The following ADGRL4 variants were observed in gnomAD, a reference collection of about 807,000 sequenced individuals.
ADGRL4 encodes adhesion G protein-coupled receptor L4.
In ADGRL4, 90 loss-of-function variants were observed where a neutral mutation model predicts 74.8. The observed-to-expected ratio is 1.20, with a 90% CI of 1.02 to 1.43. The LOEUF (loss-of-function observed/expected upper bound fraction) is 1.43. Ranked by LOEUF, ADGRL4 falls within the 40% of genes most tolerant of loss-of-function variation. The probability of loss-of-function intolerance (pLI) is 0.00; values close to 1 mark genes in which losing one functional copy is unlikely to be tolerated. For missense variants in ADGRL4, 881 were observed against 814.3 expected (o/e 1.08, Z -1.00); for synonymous variants, 311 against 279.2 (o/e 1.11, Z -1.14).
At chr1:78,963,620 G>C (rs551544874) in intron 2 of ADGRL4, among the ~76,000 whole-genome samples, 82 of 152,202 alleles carry the variant, frequency 5.4e-4, no homozygotes, top group African/African-American at 1.9e-3. Context: ...AGACAAATAT[G>C]CTTTTATCTT....
chr1:78,947,598 T>A (rs1230138381), intron 2 of ADGRL4, among the ~76,000 whole-genome samples: 1 of 152,072 alleles, frequency 6.6e-6, no homozygotes, highest in Non-Finnish European at 1.5e-5. Context: ...TTGGTCATAT[T>A]TTTTTATGGC....
chr1:78,999,496 C>G (rs1650790713), intron 2 of ADGRL4, among the ~76,000 whole-genome samples: 1 of 152,048 alleles, frequency 6.6e-6, no homozygotes, highest in Non-Finnish European at 1.5e-5. Flanking sequence ...TGGCGTGAAC[C>G]CAGGAGGCGG....
At chr1:78,937,676 G>C (rs1649383026) in intron 6 of ADGRL4, 131 bp downstream of exon 6, 1 of 770,690 alleles carries the variant, frequency 1.3e-6, no homozygotes, top group Non-Finnish European at 2.1e-6. Flanking sequence ...CCATTCATTT[G>C]TACACTGATA....
intron 12 of ADGRL4, among the ~76,000 whole-genome samples, chr1:78,895,163 C>G (rs972934993): frequency 2.0e-5 from 3 of 151,908 alleles, no homozygotes; most frequent in African/African-American, 7.2e-5. Context: ...TAAGAGAAAA[C>G]AGATTAAAAC....
rs553521414 is a variant in ADGRL4, at chr1:78,892,444, C to T, written c.1841+654G>A. ...CTCATTCATTTTTAGTCCAGTCATT[C>T]TTTATTGCAGCAGATGTTTTAGCAG... On this transcript the variant is annotated intron_variant, in intron 13 of 14. Transcript: ENST00000370742. Among the ~76,000 whole-genome samples, 18 of 152,174 alleles carry T rather than the reference C, an allele frequency of 1.2e-4. No individual in the cohort carries two copies. In the East Asian group the frequency reaches 2.7e-3, roughly 23 times the overall value.
chr1:78,924,953 G>A (rs764703591), intron 8 of ADGRL4, among the ~76,000 whole-genome samples: 3 of 152,050 alleles, frequency 2.0e-5, no homozygotes, highest in Non-Finnish European at 2.9e-5. Flanking sequence ...TAAGATAAAA[G>A]GAGTTATTAA....
At chr1:78,915,124 T>C (rs1366994188) in intron 12 of ADGRL4, among the ~76,000 whole-genome samples, 2 of 151,920 alleles carry the variant, frequency 1.3e-5, no homozygotes, top group Non-Finnish European at 2.9e-5. Flanking sequence ...TCTTTGCGTA[T>C]AGAATAGCTC....
chr1:78,892,864 T>C (rs1293814904), intron 13 of ADGRL4, among the ~76,000 whole-genome samples: 1 of 152,030 alleles, frequency 6.6e-6, no homozygotes, highest in Non-Finnish European at 1.5e-5. Context: ...ACAGTCATCG[T>C]CTTTTCCCTT....
At chr1:78,980,166 GCACA>G (rs1251795539) in intron 2 of ADGRL4, among the ~76,000 whole-genome samples, 2 of 151,004 alleles carry the variant, frequency 1.3e-5, no homozygotes, top group African/African-American at 2.4e-5. Flanking sequence ...TCATGCGTGT[GCACA>G]CACACACAGA....
intron 12 of ADGRL4, among the ~76,000 whole-genome samples, chr1:78,908,350 A>G (rs1648688331): frequency 6.6e-6 from 1 of 152,044 alleles, no homozygotes; most frequent in Non-Finnish European, 1.5e-5. Context: ...TTTGTCTGTT[A>G]GCTACAAAAG....
At chr1:78,964,178 C>G (rs762542817) in intron 2 of ADGRL4, among the ~76,000 whole-genome samples, 8 of 152,116 alleles carry the variant, frequency 5.3e-5, no homozygotes. Context: ...GAGACTGATT[C>G]AAAAACTTTT....
chr1:78,927,336 C>T (rs188765343), intron 7 of ADGRL4, among the ~76,000 whole-genome samples: 1 of 152,144 alleles, frequency 6.6e-6, no homozygotes, highest in African/African-American at 2.4e-5. Context: ...TTTGCACAAA[C>T]TATCTTTAGA....
At chr1:79,004,968 C>A (rs944570142) in intron 2 of ADGRL4, 102 bp downstream of exon 2, 1 of 1,022,878 alleles carries the variant, frequency 9.8e-7, no homozygotes, top group Non-Finnish European at 1.4e-6. Context: ...TGAAATTAAA[C>A]AGTATAACAC....
At chr1:78,966,017 CA>C (rs1340813879) in intron 2 of ADGRL4, among the ~76,000 whole-genome samples, 2 of 146,484 alleles carry the variant, frequency 1.4e-5, no homozygotes, top group South Asian at 2.1e-4. Flanking sequence ...AAAACAAAAA[CA>C]AAAAAACCAA....
intron 12 of ADGRL4, among the ~76,000 whole-genome samples, chr1:78,903,282 T>C (rs965596364): frequency 2.0e-5 from 3 of 152,170 alleles, no homozygotes; most frequent in African/African-American, 7.2e-5. Context: ...CCTAATGAAA[T>C]GGACAAATAA....
At chr1:78,963,817 T>C (rs1040407394) in intron 2 of ADGRL4, among the ~76,000 whole-genome samples, 1 of 152,214 alleles carries the variant, frequency 6.6e-6, no homozygotes, top group Non-Finnish European at 1.5e-5. Flanking sequence ...AATAAACCTA[T>C]GGAAATTTCT....
At chr1:78,911,253 CT>C (rs1307782978) in intron 12 of ADGRL4, among the ~76,000 whole-genome samples, 1 of 151,776 alleles carries the variant, frequency 6.6e-6, no homozygotes, top group East Asian at 1.9e-4. Context: ...AAAGATTGCT[CT>C]ATAGAGATTT....
chr1:79,006,476 C>T (rs901926407), intron 1 of ADGRL4, among the ~76,000 whole-genome samples, 157 bp downstream of exon 1: 1 of 152,182 alleles, frequency 6.6e-6, no homozygotes, highest in Non-Finnish European at 1.5e-5. Context: ...GTTGAAAGGT[C>T]AAGGAGAAAA....
At chr1:78,939,934 T>C (rs1419504420) in intron 3 of ADGRL4, 4 of 152,498 alleles carry the variant, frequency 2.6e-5, no homozygotes, top group African/African-American at 7.2e-5. Flanking sequence ...ATTTAGACAA[T>C]GGCAGAACAA....
Sources: gnomAD v4.1 joint callset for allele counts (sites outside exome capture counted in the v4.1 genomes callset) on GRCh38, gnomAD v4.1.1 for gene constraint, MANE v1.5 for transcripts, NCBI Gene and HGNC (gene_info 2026-07-23, HGNC 2026-07-21) for gene names.